The following DDR2 variants were observed in gnomAD, a reference collection of about 807,000 sequenced individuals.
DDR2 encodes discoidin domain-containing receptor 2.
A neutral mutation model predicts 94.9 loss-of-function variants in DDR2; 27 were observed. The ratio of observed to expected loss-of-function variants is 0.28; its 90% CI spans 0.21 to 0.39. The LOEUF is 0.39. Among genes scored for constraint, DDR2 ranks in the 10% least tolerant of loss-of-function variants. The pLI is 1.00. For synonymous variants in DDR2, 382 were observed against 377.2 expected, an observed-to-expected ratio of 1.01 and a Z score of -0.15; for missense variants, 783 against 1,076.0, an observed-to-expected ratio of 0.73 and a Z score of 3.81.
At chr1:162,663,748 A>T (rs1658415578) in intron 2 of DDR2, among the ~76,000 whole-genome samples, 2 of 152,094 alleles carry the variant, frequency 1.3e-5, no homozygotes, top group South Asian at 4.1e-4. Context: ...AGTCCTAGAG[A>T]AGTCTCCCTG....
chr1:162,711,037 C>T (rs1019209190), intron 2 of DDR2, among the ~76,000 whole-genome samples: 2 of 152,176 alleles, frequency 1.3e-5, no homozygotes, highest in African/African-American at 2.4e-5. Context: ...TCAGCAAAGT[C>T]GAGGCCACCT....
At chr1:162,713,613 G>A (rs1318242476) in intron 2 of DDR2, among the ~76,000 whole-genome samples, 1 of 152,112 alleles carries the variant, frequency 6.6e-6, no homozygotes, top group Non-Finnish European at 1.5e-5. Flanking sequence ...CATAAACTTT[G>A]CAACCTTCTT....
intron 2 of DDR2, among the ~76,000 whole-genome samples, chr1:162,710,354 G>A (rs1012255111): frequency 2.0e-5 from 3 of 152,108 alleles, no homozygotes; most frequent in African/African-American, 7.2e-5. Context: ...CTGGGCCTTT[G>A]GCTCCACACT....
chr1:162,682,897 T>C (rs1659478232), intron 2 of DDR2, among the ~76,000 whole-genome samples: 1 of 152,168 alleles, frequency 6.6e-6, no homozygotes, highest in African/African-American at 2.4e-5. Flanking sequence ...GATATAGCCA[T>C]GTTCAAAGAA....
intron 3 of DDR2, among the ~76,000 whole-genome samples, chr1:162,733,315 G>A (rs1016341466): frequency 6.6e-6 from 1 of 152,190 alleles, no homozygotes; most frequent in African/African-American, 2.4e-5. Context: ...CCCTTCCACA[G>A]AAGGAGTTTA....
At chr1:162,766,423 A>G (rs1663991364) in intron 10 of DDR2, among the ~76,000 whole-genome samples, 1 of 152,208 alleles carries the variant, frequency 6.6e-6, no homozygotes. Context: ...GATATCTCCA[A>G]TTGGAGATAA....
chr1:162,712,106 G>A (rs1206985344), intron 2 of DDR2, among the ~76,000 whole-genome samples: 4 of 151,404 alleles, frequency 2.6e-5, no homozygotes, highest in Admixed American at 6.6e-5. Context: ...TCCTATCTGA[G>A]CACTAGTGTG....
At chr1:162,648,770 G>T (rs950562230) in intron 1 of DDR2, among the ~76,000 whole-genome samples, 1 of 152,182 alleles carries the variant, frequency 6.6e-6, no homozygotes, top group Non-Finnish European at 1.5e-5. Flanking sequence ...ACGAATGGTG[G>T]CAAAGGCAGC....
At chr1:162,755,445 T>A in intron 6 of DDR2, 142 bp downstream of exon 6, 1 of 1,234,874 alleles carries the variant, frequency 8.1e-7, no homozygotes, top group Non-Finnish European at 1.2e-6. Context: ...GACAGAAGCA[T>A]TGCTCATTAA....
chr1:162,782,976 A>G lies in DDR2; in HGVS notation c.*2730A>G, dbSNP rs1161592897. On this transcript the variant is annotated 3_prime_UTR_variant, in exon 18 of 18. Transcript: ENST00000367921. Reference sequence around the variant, plus strand: ...CATGCCTTTAGAGTTTAGTAGCACAAATCCATGCAACCCAACAGAATACAT... The same window carrying G: ...CATGCCTTTAGAGTTTAGTAGCACAGATCCATGCAACCCAACAGAATACAT... 6 of 152,146 alleles carry G rather than the reference A, an allele frequency of 3.9e-5. No homozygotes were observed. Among genetic ancestry groups the G allele is most frequent in the Non-Finnish European group, 5.9e-5 (4 of 68,024 alleles). The allele number at this position is 152,146 out of a possible 1,614,324, so 9.4% of individuals were successfully genotyped here.
intron 2 of DDR2, among the ~76,000 whole-genome samples, chr1:162,697,385 G>A (rs1660241746): frequency 6.6e-6 from 1 of 152,148 alleles, no homozygotes; most frequent in South Asian, 2.1e-4. Flanking sequence ...GTCTCACATA[G>A]TCATTTGCTG....
intron 11 of DDR2, 75 bp downstream of exon 11, chr1:162,767,434 A>C (rs966948216): frequency 6.3e-7 from 1 of 1,583,420 alleles, no homozygotes; most frequent in Non-Finnish European, 8.6e-7. Context: ...CCCAGGAGTA[A>C]AAGGCAAATT....
intron 7 of DDR2, among the ~76,000 whole-genome samples, chr1:162,756,588 A>C (rs1202984183): frequency 6.6e-6 from 1 of 152,196 alleles, no homozygotes; most frequent in Non-Finnish European, 1.5e-5. Flanking sequence ...TCCATCGTGA[A>C]GACCAGACCA....
intron 2 of DDR2, among the ~76,000 whole-genome samples, chr1:162,668,750 A>G (rs145768714): frequency 2.8e-4 from 43 of 152,304 alleles, no homozygotes; most frequent in Non-Finnish European, 4.0e-4. Flanking sequence ...CAAAGACCCT[A>G]GTTTCAAATA....
At chr1:162,647,052 A>G in intron 1 of DDR2, among the ~76,000 whole-genome samples, 1 of 152,208 alleles carries the variant, frequency 6.6e-6, no homozygotes, top group East Asian at 1.9e-4. Flanking sequence ...TGGGAAGAAT[A>G]CGCTTTTGGC....
intron 16 of DDR2, among the ~76,000 whole-genome samples, 199 bp from the exon 17 acceptor site, chr1:162,778,381 T>A (rs571827932): frequency 6.6e-6 from 1 of 152,214 alleles, no homozygotes; most frequent in Admixed American, 6.5e-5. Flanking sequence ...TTGGATCTCA[T>A]CCCCAGAGAA....
At chr1:162,676,347 C>T (rs976042179) in intron 2 of DDR2, among the ~76,000 whole-genome samples, 1 of 152,114 alleles carries the variant, frequency 6.6e-6, no homozygotes, top group African/African-American at 2.4e-5. Context: ...CTCCTTATGC[C>T]CACACAGCAC....
At chr1:162,755,573 C>A in intron 6 of DDR2, 91 bp from the exon 7 acceptor site, 3 of 1,267,286 alleles carry the variant, frequency 2.4e-6, no homozygotes, top group Non-Finnish European at 3.5e-6. Context: ...GCTGGACACG[C>A]TGTGCAAGCT....
chr1:162,715,003 T>C (rs1661098595), intron 2 of DDR2, among the ~76,000 whole-genome samples: 1 of 152,220 alleles, frequency 6.6e-6, no homozygotes, highest in Non-Finnish European at 1.5e-5. Context: ...TGTATACTTT[T>C]GAGTTCTGTT....
Sources: allele counts gnomAD v4.1 joint callset (sites outside exome capture counted in the v4.1 genomes callset), GRCh38; gene constraint gnomAD v4.1.1; transcripts MANE v1.5; gene names NCBI Gene and HGNC (gene_info 2026-07-23, HGNC 2026-07-21).